Variants in PAX3 observed in about 807,000 individuals in gnomAD.
PAX3 encodes the protein paired box protein Pax-3.
Under a neutral mutation model 51.6 loss-of-function variants are expected in PAX3, and 14 were observed. The observed-to-expected ratio is 0.27, with a 90% CI of 0.18 to 0.42. The LOEUF is 0.42. Ranked by LOEUF, PAX3 falls within the 10% of genes least tolerant of loss-of-function variation. The pLI is 1.00. For missense variants in PAX3, 540 were observed against 642.8 expected, an observed-to-expected ratio of 0.84 and a Z score of 1.73; for synonymous variants, 280 against 253.4, an observed-to-expected ratio of 1.11 and a Z score of -1.00.
chr2:222,206,993 T>C (rs1691536577), intron 7 of PAX3, among the ~76,000 whole-genome samples: 1 of 152,172 alleles, frequency 6.6e-6, no homozygotes, highest in African/African-American at 2.4e-5. Context: ...ACATTTAGTT[T>C]GTTCTTTTTA....
intron 4 of PAX3, among the ~76,000 whole-genome samples, chr2:222,251,304 T>G (rs1419849391): frequency 6.6e-6 from 1 of 152,048 alleles, no homozygotes; most frequent in African/African-American, 2.4e-5. Context: ...CCTTCCTGTG[T>G]CCATGTGTTC....
chr2:222,283,369 A>G (rs773623618), intron 4 of PAX3, among the ~76,000 whole-genome samples: 1 of 152,218 alleles, frequency 6.6e-6, no homozygotes, highest in Non-Finnish European at 1.5e-5. Flanking sequence ...CTTGGTTGGC[A>G]TAGAGTGTCT....
chr2:222,202,514 AG>A (rs1160313329), intron 7 of PAX3, among the ~76,000 whole-genome samples: 1 of 152,140 alleles, frequency 6.6e-6, no homozygotes, highest in Admixed American at 6.5e-5. Flanking sequence ...ATTTCAAAGA[AG>A]GGGGAAAAAA....
At chr2:222,213,742 G>A (rs1691842569) in intron 7 of PAX3, among the ~76,000 whole-genome samples, 1 of 152,286 alleles carries the variant, frequency 6.6e-6, no homozygotes, top group African/African-American at 2.4e-5. Context: ...TTGGTGTCAG[G>A]CTACTTGCTT....
At position 222,220,178 on chromosome 2, in the gene PAX3, G is replaced by A. The variant is rs547446014; in HGVS notation, c.1135C>T (p.Pro379Ser). Residue 379 changes from proline (P) to serine (S), a missense_variant, in exon 7 of 9, where the codon CCC becomes TCC. This residue lies in a region of PAX3 where 427 missense variants were observed against 483.6 expected (regional missense o/e 0.88). Coordinates refer to ENST00000392070, the MANE Select transcript of PAX3 (RefSeq NM_181458.4). ...SFVPPSGPSN[P>S]MNPTIGNGLS... ...CCATTGCCAATGGTGGGGTTCATGG[G>A]GTTGGAGGGCCCCGACGGAGGCACA... The A allele has an allele frequency of 1.0e-4, 165 of 1,613,896 alleles. 1 individual carries two copies. In the South Asian group the frequency reaches 1.4e-3, roughly 14 times the overall value.
chr2:222,280,306 A>G (rs1262774045), intron 4 of PAX3, among the ~76,000 whole-genome samples: 1 of 126,260 alleles, frequency 7.9e-6, no homozygotes, highest in Non-Finnish European at 1.7e-5. Context: ...AGAGGGAGGG[A>G]AGGAGGGAGG....
chr2:222,237,007 A>C (rs984043), intron 4 of PAX3, among the ~76,000 whole-genome samples: 134,391 of 152,126 alleles, frequency 0.88, 59,457 homozygotes, highest in East Asian at 0.96. Context: ...AAATTTTTGA[A>C]TCTATTATTA....
At chr2:222,277,952 T>G (rs1212647089) in intron 4 of PAX3, among the ~76,000 whole-genome samples, 1 of 146,358 alleles carries the variant, frequency 6.8e-6, no homozygotes, top group African/African-American at 2.5e-5. Flanking sequence ...AAAAAAAAAT[T>G]GAGTTTTTGT....
At chr2:222,263,225 C>A (rs1693930562) in intron 4 of PAX3, 1 of 152,044 alleles carries the variant, frequency 6.6e-6, no homozygotes, top group African/African-American at 2.4e-5. Flanking sequence ...GACAAAAGAC[C>A]TGCATTGAGA....
chr2:222,281,059 G>A (rs886700750), intron 4 of PAX3, among the ~76,000 whole-genome samples: 5 of 152,158 alleles, frequency 3.3e-5, no homozygotes, highest in Non-Finnish European at 2.9e-5. Context: ...ATGTACACAC[G>A]TGCCCCAGAT....
chr2:222,275,221 GT>G (rs1483546645), intron 4 of PAX3, among the ~76,000 whole-genome samples: 5 of 152,068 alleles, frequency 3.3e-5, no homozygotes, highest in Non-Finnish European at 7.4e-5. Flanking sequence ...TATACAAAGG[GT>G]ATAGTTCTTC....
At chr2:222,215,378 T>C (rs145289918) in intron 7 of PAX3, among the ~76,000 whole-genome samples, 173 of 152,240 alleles carry the variant, frequency 1.1e-3, no homozygotes, top group African/African-American at 3.9e-3. Flanking sequence ...TTTTGTATAC[T>C]ACAAAACAAT....
intron 5 of PAX3, among the ~76,000 whole-genome samples, chr2:222,227,723 C>CT (rs201677677): frequency 1.7e-4 from 24 of 142,930 alleles, no homozygotes; most frequent in African/African-American, 4.5e-4. Flanking sequence ...GGCAAATCAT[C>CT]TTTTTTAAAA....
In PAX3 at chr2:222,262,406, C is replaced by T. The variant is rs187113086; in HGVS notation, c.587-30123G>A. The stretch of plus-strand genomic sequence containing the variant: ...GTAGTTATCATACTTTACTCAACCC[C>T]CCCTCACCATTTTACTAAAACTGAG... On this transcript the variant is annotated intron_variant, in intron 4 of 8. Transcript: ENST00000392070. 3 of 152,094 alleles carry T rather than the reference C, an allele frequency of 2.0e-5. No individual in the cohort carries two copies. In the East Asian group the frequency reaches 5.8e-4, roughly 29 times the overall value. 9.4% of individuals were successfully genotyped at this position (152,094 alleles called of 1,614,324 possible). A position where few individuals can be genotyped will look rare whatever the true frequency, so the allele number is the denominator to read the frequency against.
rs1694728415 is a variant in PAX3, at chr2:222,283,732, G to A, written c.586+10435C>T. On this transcript the variant is annotated intron_variant, in intron 4 of 8. Transcript: ENST00000392070. ...TATCAGTTCACTGGGGGCCCGGCTGGCCAAGGAGCTTCGGCTGCCTGCTGC... is the reference window on the plus strand; with the variant it reads ...TATCAGTTCACTGGGGGCCCGGCTGACCAAGGAGCTTCGGCTGCCTGCTGC... 4.6e-5 allele frequency among the ~76,000 whole-genome samples: 7 copies of A among 152,362 alleles called. No individual in the cohort carries two copies. The South Asian group carries it at 1.5e-3, about 32-fold the overall frequency.
chr2:222,281,392 G>A lies in PAX3; in HGVS notation c.586+12775C>T, dbSNP rs145687145. ...ACTTCCTATTTTTAAAAACTTACAC[G>A]TTTATAAATCAGAAGCAAAGGGGCT... is the stretch of plus-strand genomic sequence containing the variant. On this transcript the variant is annotated intron_variant, in intron 4 of 8. Coordinates refer to ENST00000392070, the MANE Select transcript of PAX3 (RefSeq NM_181458.4). Among the ~76,000 whole-genome samples, 1,021 of 152,220 alleles carry A rather than the reference G, an allele frequency of 6.7e-3. 11 individuals carry two copies. The highest frequency in any genetic ancestry group is 0.023 in the African/African-American group (952 of 41,536).
intron 7 of PAX3, among the ~76,000 whole-genome samples, chr2:222,216,589 G>A (rs1040624950): frequency 1.3e-5 from 2 of 152,162 alleles, no homozygotes; most frequent in African/African-American, 2.4e-5. Flanking sequence ...CTGAGGAAAG[G>A]ACTGAGGGCA....
At chr2:222,298,456 C>CGGAGCCTGG in intron 1 of PAX3, 75 bp downstream of exon 1, 1 of 1,266,510 alleles carries the variant, frequency 7.9e-7, no homozygotes, top group South Asian at 1.3e-5. Flanking sequence ...AAGGAGCCTG[C>CGGAGCCTGG]GGAGCCTGGG....
chr2:222,260,122 G>A (rs1327642428), intron 4 of PAX3, among the ~76,000 whole-genome samples: 1 of 152,148 alleles, frequency 6.6e-6, no homozygotes, highest in Non-Finnish European at 1.5e-5. Context: ...CAATTCTCCT[G>A]CCTCAGTCTC....
Sources: allele counts gnomAD v4.1 joint callset (sites outside exome capture counted in the v4.1 genomes callset), GRCh38; gene constraint gnomAD v4.1.1; regional missense constraint gnomAD v4.1.1; transcripts MANE v1.5; gene names NCBI Gene and HGNC (gene_info 2026-07-23, HGNC 2026-07-21).